Variants in AKAP6 observed in about 807,000 individuals in gnomAD.
The protein encoded by AKAP6 is A-kinase anchoring protein 6, also known as A-kinase anchor protein 6.
In AKAP6, 58 loss-of-function variants were observed where a neutral mutation model predicts 188.5. The observed-to-expected ratio is 0.31, with a 90% confidence interval of 0.25 to 0.38. AKAP6 has a LOEUF of 0.38. AKAP6 is among the 10% of genes least tolerant of loss of function. AKAP6 has a pLI of 1.00. For missense variants in AKAP6, 2,710 were observed against 2,740.0 expected, an observed-to-expected ratio of 0.99 and a Z score of 0.24; for synonymous variants, 989 against 998.6, an observed-to-expected ratio of 0.99 and a Z score of 0.18.
chr14:32,648,016 T>C (rs1888055477), intron 7 of AKAP6, among the ~76,000 whole-genome samples: 1 of 152,068 alleles, frequency 6.6e-6, no homozygotes, highest in African/African-American at 2.4e-5. Context: ...ATCAAGAGTC[T>C]TTAGATCAGT....
At chr14:32,707,471 T>C (rs1338725164) in intron 9 of AKAP6, among the ~76,000 whole-genome samples, 4 of 152,094 alleles carry the variant, frequency 2.6e-5, no homozygotes, top group Non-Finnish European at 1.5e-5. Context: ...TGTTTATTAG[T>C]TAAATGCATA....
chr14:32,371,299 A>G (rs928419531), intron 1 of AKAP6, among the ~76,000 whole-genome samples: 2 of 152,190 alleles, frequency 1.3e-5, no homozygotes, highest in African/African-American at 4.8e-5. Flanking sequence ...GAAGACTACT[A>G]TTTGTTTTTA....
At chr14:32,588,784 TA>T (rs1247659950) in intron 5 of AKAP6, among the ~76,000 whole-genome samples, 9 of 152,164 alleles carry the variant, frequency 5.9e-5, no homozygotes, top group Non-Finnish European at 1.2e-4. Flanking sequence ...ATGAAGTGTC[TA>T]AAAAAATTCT....
intron 2 of AKAP6, among the ~76,000 whole-genome samples, chr14:32,469,107 G>A (rs962277509): frequency 6.6e-6 from 1 of 152,100 alleles, no homozygotes; most frequent in Non-Finnish European, 1.5e-5. Context: ...TGTGAGAACT[G>A]TTGCAACTCT....
At chr14:32,694,172 T>C (rs575263218) in intron 8 of AKAP6, among the ~76,000 whole-genome samples, 105 of 152,072 alleles carry the variant, frequency 6.9e-4, no homozygotes, top group Non-Finnish European at 1.3e-3. Flanking sequence ...CCATCCTGGC[T>C]AACAAGGTGA....
rs748544646 is a variant in AKAP6 at position 32,822,104 on chromosome 14, T to G, written c.4291T>G (p.Ser1431Ala). The change falls in exon 13 of 14, where the codon TCA becomes GCA. Residue 1431 changes from serine (S) to alanine (A), a missense_variant. This residue lies in a region of AKAP6 where 2,473 missense variants were observed against 2,426.1 expected (regional missense o/e 1.02). Coordinates refer to ENST00000280979, the MANE Select transcript of AKAP6 (RefSeq NM_004274.5). ...KLPNSSQSSI[S>A]PVGCVNGKVG... is the part of the protein sequence containing the mutation. ...TCCAAATAGCTCTCAGTCGTCCATT[T>G]CACCAGTGGGTTGTGTAAATGGAAA... 5.6e-6 allele frequency: 9 copies of G among 1,613,936 alleles called. No homozygotes were observed. The South Asian group carries it at 9.9e-5, about 18-fold the overall frequency.
intron 2 of AKAP6, among the ~76,000 whole-genome samples, chr14:32,454,867 C>T (rs1388716489): frequency 1.4e-5 from 1 of 71,678 alleles, no homozygotes; most frequent in Non-Finnish European, 2.5e-5. Context: ...CTCCCTCCCT[C>T]CCTCCCTCCC....
At chr14:32,672,178 G>A (rs938654176) in intron 7 of AKAP6, among the ~76,000 whole-genome samples, 2 of 152,116 alleles carry the variant, frequency 1.3e-5, no homozygotes, top group African/African-American at 2.4e-5. Context: ...AAATTATTAA[G>A]TATTAATTTG....
intron 11 of AKAP6, among the ~76,000 whole-genome samples, chr14:32,755,918 C>G (rs1456659652): frequency 6.6e-6 from 1 of 152,248 alleles, no homozygotes; most frequent in Non-Finnish European, 1.5e-5. Flanking sequence ...ATCCTTGGGG[C>G]TAGGCATTTG....
chr14:32,340,349 C>G (rs1886851724), intron 1 of AKAP6, among the ~76,000 whole-genome samples: 1 of 152,160 alleles, frequency 6.6e-6, no homozygotes, highest in Non-Finnish European at 1.5e-5. Context: ...AAATACATTA[C>G]TGTGTTCAAA....
At chr14:32,724,990 T>TAAAAAAAAAAAAAAAAAAAAAAAAAA (rs71432079) in intron 9 of AKAP6, among the ~76,000 whole-genome samples, 1 of 34,900 alleles carries the variant, frequency 2.9e-5, no homozygotes, top group Non-Finnish European at 4.7e-5. Flanking sequence ...ATATTCAACC[T>TAAAAAAAAAAAAAAAAAAAAAAAAAA]AAAAAAAAAA....
chr14:32,770,405 C>T (rs2032861547), intron 11 of AKAP6, among the ~76,000 whole-genome samples: 1 of 151,992 alleles, frequency 6.6e-6, no homozygotes, highest in Non-Finnish European at 1.5e-5. Flanking sequence ...AATTTTGTTT[C>T]CCTCTTCTTT....
rs2034825079 is a variant in AKAP6, at chr14:32,831,953, A to T, written c.*2148A>T. On this transcript the variant is annotated 3_prime_UTR_variant, in exon 14 of 14. Transcript: ENST00000280979. ...TATTTATCATTAGTGCCACGCCAAG[A>T]TCATTTAGACGATGCTTATCTGTAA... The T allele has an allele frequency of 6.6e-6, 1 of 152,190 alleles. No homozygotes were observed. Among genetic ancestry groups the T allele is most frequent in the African/African-American group, 2.4e-5 (1 of 41,462 alleles). The allele number at this position is 152,190 out of a possible 1,614,324, so 9.4% of individuals were successfully genotyped here. A position where few individuals can be genotyped will look rare whatever the true frequency, so the allele number is the denominator to read the frequency against.
At chr14:32,776,440 G>C (rs970365982) in intron 12 of AKAP6, among the ~76,000 whole-genome samples, 1 of 152,126 alleles carries the variant, frequency 6.6e-6, no homozygotes, top group African/African-American at 2.4e-5. Context: ...TGATTGTGAG[G>C]CCTCCCCAGC....
intron 3 of AKAP6, among the ~76,000 whole-genome samples, chr14:32,540,689 C>T (rs528944601): frequency 3.2e-4 from 49 of 152,244 alleles, no homozygotes; most frequent in Admixed American, 4.6e-4. Flanking sequence ...AGAAAACTAT[C>T]TGGGAAGATG....
chr14:32,799,215 A>C (rs2033865266), intron 12 of AKAP6, among the ~76,000 whole-genome samples: 1 of 152,176 alleles, frequency 6.6e-6, no homozygotes, highest in African/African-American at 2.4e-5. Flanking sequence ...GAGTGGGCCA[A>C]AGCTAAACCA....
intron 2 of AKAP6, among the ~76,000 whole-genome samples, chr14:32,528,738 C>T (rs1004509826): frequency 3.3e-5 from 5 of 152,044 alleles, no homozygotes; most frequent in African/African-American, 4.8e-5. Context: ...AGTGCAATGG[C>T]GTGATCTCGG....
At chr14:32,589,072 C>T (rs959110920) in intron 5 of AKAP6, among the ~76,000 whole-genome samples, 2 of 152,172 alleles carry the variant, frequency 1.3e-5, no homozygotes, top group African/African-American at 2.4e-5. Flanking sequence ...CCCAGCATCT[C>T]CATAGGCAGC....
At chr14:32,466,572 T>G (rs1878444461) in intron 2 of AKAP6, among the ~76,000 whole-genome samples, 3 of 150,908 alleles carry the variant, frequency 2.0e-5, no homozygotes, top group Non-Finnish European at 4.4e-5. Context: ...CCAGAGCCTG[T>G]TGGGGGGTGG....
Sources: allele counts gnomAD v4.1 joint callset (sites outside exome capture counted in the v4.1 genomes callset), GRCh38; gene constraint gnomAD v4.1.1; regional missense constraint gnomAD v4.1.1; transcripts MANE v1.5; gene names NCBI Gene and HGNC (gene_info 2026-07-23, HGNC 2026-07-21).